Variants in TRIOBP observed in about 807,000 individuals in gnomAD.
The protein encoded by TRIOBP is TRIO and F-actin-binding protein.
TRIOBP carries 169 observed loss-of-function variants against 238.8 expected under a neutral mutation model. That is an observed-to-expected ratio of 0.71 (90% CI 0.62 to 0.80). The LOEUF is 0.80. Among genes scored for constraint, TRIOBP ranks in the 30% least tolerant of loss-of-function variants. The pLI is 0.00. For synonymous variants in TRIOBP, 1,150 were observed against 1,274.4 expected, an observed-to-expected ratio of 0.90 and a Z score of 2.08; for missense variants, 2,838 against 3,122.6, an observed-to-expected ratio of 0.91 and a Z score of 2.17.
At chr22:37,770,259 A>G (rs1246931164) in intron 21 of TRIOBP, among the ~76,000 whole-genome samples, 1 of 147,658 alleles carries the variant, frequency 6.8e-6, no homozygotes, top group Non-Finnish European at 1.5e-5. Context: ...AACACAGTGA[A>G]ACCCCGTCTC....
Position 37,768,054 on chromosome 22 carries a change from CCT to C in TRIOBP, c.6473-15_6473-14del. 1 of 1,599,950 alleles carries C rather than the reference CCT, an allele frequency of 6.3e-7. No individual in the cohort carries two copies. Among genetic ancestry groups the C allele is most frequent in the Non-Finnish European group, 8.5e-7 (1 of 1,171,670 alleles). On this transcript the variant is annotated intron_variant, in intron 18 of 23. Coordinates refer to ENST00000644935, the MANE Select transcript of TRIOBP (RefSeq NM_001039141.3). The stretch of plus-strand genomic sequence containing the variant: ...TGACCCCCCTCCAGTCTCTCTTGTG[CCT>C]CTCTGCCCTGCTTCCAGCCATTGAA...
At chr22:37,744,345 T>G (rs4239889) in intron 11 of TRIOBP, among the ~76,000 whole-genome samples, 37,718 of 152,016 alleles carry the variant, frequency 0.25, 5,605 homozygotes, top group South Asian at 0.41. Context: ...ACTTATTGTA[T>G]TTTGCAAAAT....
At chr22:37,750,161 G>T (rs1925507760) in intron 11 of TRIOBP, among the ~76,000 whole-genome samples, 1 of 152,196 alleles carries the variant, frequency 6.6e-6, no homozygotes, top group South Asian at 2.1e-4. Flanking sequence ...TCAGAGAGGG[G>T]ATGTGACTTA....
chr22:37,718,158 C>T (rs2145827030), intron 6 of TRIOBP, among the ~76,000 whole-genome samples: 1 of 152,348 alleles, frequency 6.6e-6, no homozygotes, highest in African/African-American at 2.4e-5. Context: ...AAGCCCACGC[C>T]CACCCGGAAC....
chr22:37,726,618 C>T, intron 7 of TRIOBP, 115 bp downstream of exon 7: 1 of 1,135,976 alleles, frequency 8.8e-7, no homozygotes, highest in Non-Finnish European at 1.2e-6. Flanking sequence ...TTGCCATTTA[C>T]CGGCTGTGTG....
chr22:37,757,768 T>C lies in TRIOBP; in HGVS notation c.5843T>C (p.Leu1948Pro), dbSNP rs1926012069. The change falls in exon 16 of 24, where the codon CTC becomes CCC. Residue 1948 changes from leucine (L) to proline (P), a missense_variant. Physicochemically the swap from Leu to Pro is moderately conservative, Grantham distance 98. Around this residue, in one of 5 missense-constraint regions of TRIOBP, gnomAD observed 2,096 missense variants for 2,137.4 expected, o/e 0.98. Coordinates refer to ENST00000644935, the MANE Select transcript of TRIOBP (RefSeq NM_001039141.3). Reference sequence around the variant, plus strand: ...CGTCAGGCCTTGGACTACGTGGAGCTCTCGCCGCTGACCCAGGCTTCCCCG... The same window carrying C: ...CGTCAGGCCTTGGACTACGTGGAGCCCTCGCCGCTGACCCAGGCTTCCCCG... ...GQRQALDYVE[L>P]SPLTQASPQR... The C allele has an allele frequency of 6.4e-7, 1 of 1,554,346 alleles. No homozygotes were observed. The highest frequency in any genetic ancestry group is 8.7e-7 in the Non-Finnish European group (1 of 1,149,316).
In TRIOBP at chr22:37,773,953, TAC is replaced by T. The variant is rs1409880081; in HGVS notation, c.*174_*175del. ...ACACACACACAGACACACAGACACA[TAC>T]GCACACACGTGCACACATGTACACA... On this transcript the variant is annotated 3_prime_UTR_variant, in exon 24 of 24. Transcript: ENST00000644935. The T allele has an allele frequency of 1.6e-5, 2 of 127,990 alleles. No homozygotes were observed. Among genetic ancestry groups the T allele is most frequent in the African/African-American group, 3.1e-5 (1 of 32,412 alleles). The allele number at this position is 127,990 out of a possible 1,614,324, so 7.9% of individuals were successfully genotyped here. A position where few individuals can be genotyped will look rare whatever the true frequency, so the allele number is the denominator to read the frequency against.
chr22:37,755,926 G>A (rs988072111), intron 15 of TRIOBP, among the ~76,000 whole-genome samples: 3 of 152,236 alleles, frequency 2.0e-5, no homozygotes, highest in Admixed American at 2.0e-4. Flanking sequence ...TGGCTGTTCT[G>A]TCTCTGTGTC....
At chr22:37,737,206 G>T (rs1041265280) in intron 9 of TRIOBP, among the ~76,000 whole-genome samples, 2 of 152,294 alleles carry the variant, frequency 1.3e-5, no homozygotes, top group African/African-American at 4.8e-5. Flanking sequence ...AAGTTAGAAA[G>T]ATTCTTCAGT....
Position 37,758,101 on chromosome 22 carries a change from G to A in TRIOBP, c.6176G>A (p.Gly2059Glu). ...AACCAAAGCCGCGGAGAGCGCCGAG[G>A]GCCCCCAAGTGACGGCCACGAGGCA... ...LLNQSRGERR[G>E]PPSDGHEALE... is the part of the protein sequence containing the mutation. Residue 2059 changes from glycine (G) to glutamate (E), a missense_variant, in exon 16 of 24, where the codon GGG becomes GAG. Coordinates refer to ENST00000644935, the MANE Select transcript of TRIOBP (RefSeq NM_001039141.3). 1 of 1,611,134 alleles carries A rather than the reference G, an allele frequency of 6.2e-7. No individual in the cohort carries two copies. The highest frequency in any genetic ancestry group is 8.5e-7 in the Non-Finnish European group (1 of 1,179,948).
intron 9 of TRIOBP, 32 bp downstream of exon 9, chr22:37,735,474 C>T (rs1214402374): frequency 1.3e-6 from 2 of 1,543,700 alleles, no homozygotes; most frequent in African/African-American, 1.4e-5. Flanking sequence ...CAAGGGTAGC[C>T]AGAAAGTCAG....
intron 2 of TRIOBP, among the ~76,000 whole-genome samples, chr22:37,700,166 C>T (rs956581965): frequency 6.6e-6 from 1 of 152,068 alleles, no homozygotes; most frequent in African/African-American, 2.4e-5. Flanking sequence ...CGTGAGCCAC[C>T]GCCCTCGGCT....
intron 15 of TRIOBP, 100 bp from the exon 16 acceptor site, chr22:37,757,513 C>CCCTGGCACAGGG: frequency 6.7e-7 from 1 of 1,491,798 alleles, no homozygotes; most frequent in Non-Finnish European, 9.0e-7. Flanking sequence ...TGTCTCCAGC[C>CCCTGGCACAGGG]CCTGGCACAG....
At chr22:37,744,872 A>ATT (rs61176488) in intron 11 of TRIOBP, among the ~76,000 whole-genome samples, 1 of 148,894 alleles carries the variant, frequency 6.7e-6, no homozygotes, top group Non-Finnish European at 1.5e-5. Flanking sequence ...AAAAGCAATA[A>ATT]TTTTTTTTTT....
intron 7 of TRIOBP, among the ~76,000 whole-genome samples, chr22:37,727,010 G>A (rs1924204306): frequency 2.0e-5 from 3 of 151,466 alleles, no homozygotes; most frequent in African/African-American, 4.8e-5. Context: ...GGGTTCAAGC[G>A]ATTCTCCTGC....
At chr22:37,712,472 C>T (rs1923300985) in intron 4 of TRIOBP, among the ~76,000 whole-genome samples, 1 of 152,086 alleles carries the variant, frequency 6.6e-6, no homozygotes, top group South Asian at 2.1e-4. Flanking sequence ...GCTGGGATTA[C>T]AGGTGTGTGC....
intron 22 of TRIOBP, among the ~76,000 whole-genome samples, 153 bp from the exon 23 acceptor site, chr22:37,772,448 A>T (rs1926830738): frequency 6.6e-6 from 1 of 152,150 alleles, no homozygotes; most frequent in African/African-American, 2.4e-5. Context: ...TGGGAGGGGT[A>T]AGCCCAGAAC....
intron 3 of TRIOBP, among the ~76,000 whole-genome samples, chr22:37,705,427 C>T (rs1601617614): frequency 6.6e-6 from 1 of 151,900 alleles, no homozygotes; most frequent in East Asian, 1.9e-4. Flanking sequence ...AGAAAGGAGG[C>T]TGCACATCGG....
intron 7 of TRIOBP, among the ~76,000 whole-genome samples, chr22:37,727,706 CT>C (rs1273739602): frequency 1.3e-5 from 2 of 152,052 alleles, no homozygotes; most frequent in Non-Finnish European, 2.9e-5. Flanking sequence ...CCAGAGCTAC[CT>C]ATTTTAAGAA....
Sources: allele counts gnomAD v4.1 joint callset (sites outside exome capture counted in the v4.1 genomes callset), GRCh38; gene constraint gnomAD v4.1.1; regional missense constraint gnomAD v4.1.1; transcripts MANE v1.5; gene names NCBI Gene and HGNC (gene_info 2026-07-23, HGNC 2026-07-21).